SYNE1: variants seen among roughly 807,000 people sequenced by gnomAD.
The protein encoded by SYNE1 is spectrin repeat containing nuclear envelope protein 1.
Under a neutral mutation model 1,111.0 loss-of-function variants are expected in SYNE1, and 616 were observed. The ratio of observed to expected loss-of-function variants is 0.55; its 90% confidence interval spans 0.52 to 0.59. The LOEUF (loss-of-function observed/expected upper bound fraction) is 0.59. Ranked by LOEUF, SYNE1 falls within the 20% of genes least tolerant of loss-of-function variation. The pLI, the probability that SYNE1 is intolerant of heterozygous loss-of-function variation, is 0.00. For missense variants in SYNE1, 10,006 were observed against 10,417.0 expected (o/e 0.96, Z 1.72); for synonymous variants, 3,855 against 3,825.8 (o/e 1.01, Z -0.28).
At chr6:152,289,673 C>G (rs910647284) in intron 95 of SYNE1, among the ~76,000 whole-genome samples, 26 of 152,158 alleles carry the variant, frequency 1.7e-4, no homozygotes, top group African/African-American at 5.1e-4. Flanking sequence ...GTCGCTCAGG[C>G]TGGAGTGCGG....
intron 44 of SYNE1, among the ~76,000 whole-genome samples, 176 bp from the exon 45 acceptor site, chr6:152,407,372 A>G (rs1176780392): frequency 1.3e-5 from 2 of 152,236 alleles, no homozygotes; most frequent in Non-Finnish European, 2.9e-5. Context: ...TAACCAATAC[A>G]TAGATTGCTT....
chr6:152,343,126 G>T (rs1361057323), intron 74 of SYNE1, among the ~76,000 whole-genome samples: 2 of 150,060 alleles, frequency 1.3e-5, no homozygotes, highest in Non-Finnish European at 3.0e-5. Context: ...TTTGGTTACA[G>T]TGCCCATTCT....
chr6:152,629,552 A>AGGGGGGGGGGGGGGGGG (rs2099694162), intron 2 of SYNE1, among the ~76,000 whole-genome samples: 1 of 16,140 alleles, frequency 6.2e-5, no homozygotes, highest in Non-Finnish European at 1.0e-4. Flanking sequence ...GGAGGGGAGG[A>AGGGGGGGGGGGGGGGGG]GGGGGTGCAG....
rs2051690265 is a variant in SYNE1, at chr6:152,122,670, T to C, written c.26160A>G (p.Thr8720=). The C allele has an allele frequency of 1.2e-6, 2 of 1,613,920 alleles. No individual in the cohort carries two copies. The highest frequency in any genetic ancestry group is 2.2e-5 in the East Asian group (1 of 44,866). ...PSVSSPHSRS[T]KGGSDSSLSE... is the part of the protein sequence containing the mutation. The stretch of plus-strand genomic sequence containing the variant: ...AAAGGGAGGAATCGGAGCCACCTTT[T>C]GTGGACCTGAGAGAAGAATGGACAT... Residue 8720 remains threonine (T), a synonymous_variant, in exon 146 of 146, where the codon ACA becomes ACG. Coordinates refer to ENST00000367255, the MANE Select transcript of SYNE1 (RefSeq NM_182961.4).
Position 152,434,043 on chromosome 6 carries a change from A to G in SYNE1, c.4311-98T>C. The G allele has an allele frequency of 2.7e-6, 3 of 1,115,182 alleles. No individual in the cohort carries two copies. The South Asian group carries it at 4.3e-5, about 16-fold the overall frequency. The allele number at this position is 1,115,182 out of a possible 1,614,324, so 69.1% of individuals were successfully genotyped here. A position where few individuals can be genotyped will look rare whatever the true frequency, so the allele number is the denominator to read the frequency against. On this transcript the variant is annotated intron_variant, in intron 33 of 145. Transcript: ENST00000367255. ...CACCAGGTGAAGAGATAATGAAGAC[A>G]TTTGTGACCATTTCAAAGTTGAAAC...
intron 142 of SYNE1, chr6:152,133,864 C>T: frequency 4.8e-6 from 1 of 208,986 alleles, no homozygotes; most frequent in South Asian, 7.8e-5. Flanking sequence ...AGAAGTATGT[C>T]TAGGTATCCT....
At chr6:152,206,074 T>A in intron 126 of SYNE1, 94 bp downstream of exon 126, 1 of 1,215,458 alleles carries the variant, frequency 8.2e-7, no homozygotes, top group Non-Finnish European at 1.2e-6. Context: ...TATTTCATGA[T>A]CTTTGCATTA....
chr6:152,218,469 C>G (rs2079288094), intron 120 of SYNE1, 66 bp from the exon 121 acceptor site: 28 of 1,560,728 alleles, frequency 1.8e-5, no homozygotes, highest in Non-Finnish European at 2.4e-5. Context: ...TTAATAAAGT[C>G]TGGTAAAAGG....
chr6:152,171,024 G>A (rs746228189), intron 130 of SYNE1, among the ~76,000 whole-genome samples: 33 of 152,152 alleles, frequency 2.2e-4, no homozygotes, highest in East Asian at 5.8e-4. Flanking sequence ...CATGTAAGAT[G>A]TGCCTTTCGC....
intron 24 of SYNE1, among the ~76,000 whole-genome samples, chr6:152,454,458 A>G (rs985619781): frequency 9.2e-5 from 14 of 152,178 alleles, no homozygotes; most frequent in African/African-American, 3.4e-4. Context: ...TCTGCAAGCC[A>G]GGAAGAGGGC....
In SYNE1 at chr6:152,505,318, G is replaced by A. The variant is rs750266004; in HGVS notation, c.661C>T (p.Arg221Ter). 2.5e-6 allele frequency: 4 copies of A among 1,613,890 alleles called. No individual in the cohort carries two copies. Among genetic ancestry groups the A allele is most frequent in the Admixed American group, 3.3e-5 (2 of 59,976 alleles). ...VAFHSVIHAIRPELVDLETVK... is the reference protein window; with the variant it reads ...VAFHSVIHAI ...GTCTCCAAGTCCACCAATTCCGGTC[G>A]AATGGCATGAATAACTGAATGAAAG... Residue 221 changes from arginine (R) to a stop codon, truncating the protein, a stop_gained, in exon 9 of 146, where the codon CGA becomes TGA. Transcript: ENST00000367255. LOFTEE classifies it high-confidence loss of function.
chr6:152,437,378 C>T (rs942735119), intron 32 of SYNE1, among the ~76,000 whole-genome samples: 13 of 152,064 alleles, frequency 8.5e-5, no homozygotes, highest in African/African-American at 2.9e-4. Flanking sequence ...ATGTAAAATG[C>T]AGATGATAAT....
chr6:152,614,441 T>C (rs2099640419), intron 3 of SYNE1, among the ~76,000 whole-genome samples: 1 of 152,162 alleles, frequency 6.6e-6, no homozygotes, highest in South Asian at 2.1e-4. Flanking sequence ...AGATACCATC[T>C]CACACCAGTA....
At chr6:152,404,528 C>A (rs553297793) in intron 45 of SYNE1, among the ~76,000 whole-genome samples, 1 of 150,358 alleles carries the variant, frequency 6.7e-6, no homozygotes, top group East Asian at 2.0e-4. Flanking sequence ...GTGTGCAGAA[C>A]TTTGTTTTTC....
intron 125 of SYNE1, 94 bp from the exon 126 acceptor site, chr6:152,206,456 T>C (rs2076527259): frequency 7.2e-7 from 1 of 1,388,722 alleles, no homozygotes; most frequent in South Asian, 1.2e-5. Flanking sequence ...TTGCCCTCTT[T>C]CATCCAGCAA....
rs140042929 is a variant in SYNE1, at chr6:152,155,035, C to T, written c.23986G>A (p.Glu7996Lys). Residue 7996 changes from glutamate to lysine, a missense_variant, in exon 133 of 146, where the codon GAG (glutamate) becomes AAG (lysine). Physicochemically the swap from Glu to Lys is moderately conservative, Grantham distance 56. Coordinates refer to ENST00000367255, the MANE Select transcript of SYNE1 (RefSeq NM_182961.4). Reference sequence around the variant, plus strand: ...AATTTCTGCCACAATCGCCACGTCTCTTCGATTCTGGGGCGGAAAATGAAA... The same window carrying T: ...AATTTCTGCCACAATCGCCACGTCTTTTCGATTCTGGGGCGGAAAATGAAA... ...MSMERRLKIEETWRLWQKFLD... is the reference protein window; with the variant it reads ...MSMERRLKIEKTWRLWQKFLD... The T allele has an allele frequency of 6.2e-7, 1 of 1,614,104 alleles. No individual in the cohort carries two copies.
intron 56 of SYNE1, among the ~76,000 whole-genome samples, chr6:152,377,750 C>G (rs1030843925): frequency 2.8e-5 from 4 of 140,486 alleles, no homozygotes; most frequent in Non-Finnish European, 3.0e-5. Context: ...TTCTTATAAT[C>G]CATGAGTCTG....
chr6:152,147,779 C>T (rs2059777392), intron 137 of SYNE1: 1 of 445,366 alleles, frequency 2.2e-6, no homozygotes, highest in South Asian at 2.1e-5. Flanking sequence ...AGAGTGGAAG[C>T]TCTGGGAGAA....
At chr6:152,464,637 T>C (rs2154268951) in intron 18 of SYNE1, among the ~76,000 whole-genome samples, 1 of 152,292 alleles carries the variant, frequency 6.6e-6, no homozygotes, top group African/African-American at 2.4e-5. Flanking sequence ...TAAATTGATT[T>C]TCCATGTAAA....
Sources: gnomAD v4.1 joint callset for allele counts (sites outside exome capture counted in the v4.1 genomes callset) on GRCh38, gnomAD v4.1.1 for gene constraint, MANE v1.5 for transcripts, NCBI Gene and HGNC (gene_info 2026-07-23, HGNC 2026-07-21) for gene names.